COMMD10: variants seen among roughly 807,000 people sequenced by gnomAD.
The protein encoded by COMMD10 is COMM domain-containing protein 10.
A neutral mutation model predicts 28.9 loss-of-function variants in COMMD10; 33 were observed. The ratio of observed to expected loss-of-function variants is 1.14; its 90% CI spans 0.87 to 1.53. The LOEUF (loss-of-function observed/expected upper bound fraction) is 1.53. Ranked by LOEUF, COMMD10 falls within the 40% of genes most tolerant of loss-of-function variation. The pLI, the probability that COMMD10 is intolerant of heterozygous loss-of-function variation, is 0.00. For missense variants in COMMD10, 310 were observed against 233.4 expected, an observed-to-expected ratio of 1.33 and a Z score of -2.14; for synonymous variants, 110 against 81.7, an observed-to-expected ratio of 1.35 and a Z score of -1.87.
intron 5 of COMMD10, among the ~76,000 whole-genome samples, chr5:116,216,929 A>G (rs1749118545): frequency 6.6e-6 from 1 of 152,084 alleles, no homozygotes; most frequent in Non-Finnish European, 1.5e-5. Context: ...CAGTTATTAC[A>G]CTGTATTTTT....
rs113427747 is a variant in COMMD10 at position 116,140,229 on chromosome 5, C to CTGTGTGTGTGTGTGTG, written c.510+6052_510+6053insGTGTGTGTGTGTGTGT. Among the ~76,000 whole-genome samples the CTGTGTGTGTGTGTGTG allele has an allele frequency of 1.3e-4, 16 of 122,244 alleles. 1 individual carries two copies. The highest frequency in any genetic ancestry group is 6.9e-4 in the African/African-American group (16 of 23,186). The allele number at this position is 122,244 out of a possible 152,430, so 80.2% of individuals were successfully genotyped here. On this transcript the variant is annotated intron_variant, in intron 5 of 6. Transcript: ENST00000274458. ...CCTTTTTCAAGGCTGACTCATACTA[C>CTGTGTGTGTGTGTGTG]TATGTGTGTGTGTGTGTGTGTGTGT...
intron 5 of COMMD10, among the ~76,000 whole-genome samples, chr5:116,275,956 AT>A (rs1461093689): frequency 6.0e-5 from 9 of 149,096 alleles, no homozygotes; most frequent in African/African-American, 7.4e-5. Flanking sequence ...TGAAAAAAAA[AT>A]GTATATATAT....
intron 5 of COMMD10, among the ~76,000 whole-genome samples, chr5:116,145,055 G>A (rs1340056294): frequency 6.6e-6 from 1 of 151,844 alleles, no homozygotes; most frequent in African/African-American, 2.4e-5. Context: ...TATGGGTCAG[G>A]TGAGTGGTTT....
At chr5:116,216,759 C>G (rs1350580036) in intron 5 of COMMD10, among the ~76,000 whole-genome samples, 2 of 152,154 alleles carry the variant, frequency 1.3e-5, no homozygotes, top group African/African-American at 2.4e-5. Flanking sequence ...TGGTCTCGAT[C>G]TCTTGACCTC....
chr5:116,216,788 G>A (rs1749114598), intron 5 of COMMD10, among the ~76,000 whole-genome samples: 1 of 151,986 alleles, frequency 6.6e-6, no homozygotes, highest in Non-Finnish European at 1.5e-5. Context: ...CCTGCCTTAG[G>A]CTCCCAAAGT....
rs141187597 is a variant in COMMD10, at chr5:116,223,396, A to G, written c.511-68121A>G. On this transcript the variant is annotated intron_variant, in intron 5 of 6. Coordinates refer to ENST00000274458, the MANE Select transcript of COMMD10 (RefSeq NM_016144.4). The stretch of plus-strand genomic sequence containing the variant: ...GTAAGGATATGGCTATCTATATTTT[A>G]TTTTAATGTTTATTTAACAAATATT... Among the ~76,000 whole-genome samples the G allele has an allele frequency of 6.1e-3, 928 of 152,250 alleles. 9 individuals carry two copies. Among genetic ancestry groups the G allele is most frequent in the Middle Eastern group, 0.01 (3 of 294 alleles).
At chr5:116,223,770 G>C (rs1309368001) in intron 5 of COMMD10, among the ~76,000 whole-genome samples, 1 of 152,188 alleles carries the variant, frequency 6.6e-6, no homozygotes, top group African/African-American at 2.4e-5. Flanking sequence ...GATCGTAGGA[G>C]TGGAGGCAGT....
rs111673458 is a variant in COMMD10 at position 116,176,053 on chromosome 5, G to GAA, written c.510+41883_510+41884dup. 2.0e-3 allele frequency among the ~76,000 whole-genome samples: 304 copies of GAA among 151,206 alleles called. 3 individuals are homozygous for GAA. Among genetic ancestry groups the GAA allele is most frequent in the African/African-American group, 6.9e-3 (285 of 41,202 alleles). On this transcript the variant is annotated intron_variant, in intron 5 of 6. Coordinates refer to ENST00000274458, the MANE Select transcript of COMMD10 (RefSeq NM_016144.4). ...GTTATGTATATTTTACCACAATTTA[G>GAA]AAAAAAAAATGTTCTGAGCTTGAAT... is the stretch of plus-strand genomic sequence containing the variant.
intron 5 of COMMD10, among the ~76,000 whole-genome samples, chr5:116,141,970 T>A (rs1226497680): frequency 6.6e-6 from 1 of 151,882 alleles, no homozygotes; most frequent in Non-Finnish European, 1.5e-5. Context: ...ATTGCCTGCC[T>A]TTTTTTAAAA....
chr5:116,118,753 G>GA lies in COMMD10; in HGVS notation c.400-15304dup, dbSNP rs57341569. On this transcript the variant is annotated intron_variant, in intron 4 of 6. Coordinates refer to ENST00000274458, the MANE Select transcript of COMMD10 (RefSeq NM_016144.4). The stretch of plus-strand genomic sequence containing the variant: ...GTTGAAACAGATGGAAATTCTCCAG[G>GA]AAAAAAAAAAAGTGATGGACTTAGC... 2.3e-3 allele frequency among the ~76,000 whole-genome samples: 343 copies of GA among 149,334 alleles called. 1 individual carries two copies. The highest frequency in any genetic ancestry group is 8.0e-3 in the African/African-American group (324 of 40,264).
At chr5:116,184,407 T>C (rs1382006830) in intron 5 of COMMD10, among the ~76,000 whole-genome samples, 1 of 152,064 alleles carries the variant, frequency 6.6e-6, no homozygotes, top group Admixed American at 6.6e-5. Context: ...GATCCTATTA[T>C]TTAGTGACTG....
At chr5:116,204,443 T>A (rs1032511816) in intron 5 of COMMD10, among the ~76,000 whole-genome samples, 1 of 152,160 alleles carries the variant, frequency 6.6e-6, no homozygotes, top group African/African-American at 2.4e-5. Flanking sequence ...TTTTTTTTCT[T>A]TTTTTACCTT....
intron 5 of COMMD10, among the ~76,000 whole-genome samples, chr5:116,285,898 C>G (rs183143717): frequency 5.3e-5 from 8 of 151,900 alleles, no homozygotes; most frequent in African/African-American, 1.7e-4. Context: ...TTGGAAGTAT[C>G]TCCTCTTGTT....
intron 5 of COMMD10, among the ~76,000 whole-genome samples, chr5:116,280,897 AATATT>A (rs1224172880): frequency 6.6e-6 from 1 of 151,864 alleles, no homozygotes; most frequent in African/African-American, 2.4e-5. Flanking sequence ...TAAGACTTGA[AATATT>A]ATTTACATTT....
Position 116,292,584 on chromosome 5 carries a change from T to C in COMMD10, c.*95T>C. On this transcript the variant is annotated 3_prime_UTR_variant, in exon 7 of 7. Coordinates refer to ENST00000274458, the MANE Select transcript of COMMD10 (RefSeq NM_016144.4). ...AGGTTGTGTTTTCTGAAGGATTCAG[T>C]GACTTGCTTTCTGTAAATTATATGG... The C allele has an allele frequency of 9.9e-7, 1 of 1,008,006 alleles. No individual in the cohort carries two copies. Among genetic ancestry groups the C allele is most frequent in the Non-Finnish European group, 1.5e-6 (1 of 678,450 alleles). 62.4% of individuals were successfully genotyped at this position (1,008,006 alleles called of 1,614,324 possible).
At chr5:116,260,735 A>G (rs2112685448) in intron 5 of COMMD10, among the ~76,000 whole-genome samples, 1 of 151,978 alleles carries the variant, frequency 6.6e-6, no homozygotes, top group East Asian at 1.9e-4. Context: ...AATTAATTAC[A>G]TTTTTGGAAA....
chr5:116,265,949 A>G (rs75497360), intron 5 of COMMD10, among the ~76,000 whole-genome samples: 1 of 151,812 alleles, frequency 6.6e-6, no homozygotes, highest in East Asian at 1.9e-4. Flanking sequence ...AGAAAAAAAC[A>G]AAAAGAAAAC....
intron 5 of COMMD10, among the ~76,000 whole-genome samples, chr5:116,200,330 A>C (rs1159986350): frequency 6.6e-6 from 1 of 151,826 alleles, no homozygotes; most frequent in African/African-American, 2.4e-5. Context: ...TGTTTTTTTC[A>C]CCACTTTGGC....
intron 5 of COMMD10, among the ~76,000 whole-genome samples, chr5:116,265,042 A>G (rs1395521689): frequency 2.0e-5 from 3 of 151,826 alleles, no homozygotes; most frequent in African/African-American, 7.3e-5. Flanking sequence ...TCACCAGTGA[A>G]ATGAATTTCA....
Sources: allele counts gnomAD v4.1 joint callset (sites outside exome capture counted in the v4.1 genomes callset), GRCh38; gene constraint gnomAD v4.1.1; transcripts MANE v1.5; gene names NCBI Gene and HGNC (gene_info 2026-07-23, HGNC 2026-07-21).